The following ZNF322 variants were observed in gnomAD, a reference collection of about 807,000 sequenced individuals.
The protein encoded by ZNF322 is HLA complex group 12.
A neutral mutation model predicts 18.3 loss-of-function variants in ZNF322; 1 was observed. That is an observed-to-expected ratio of 0.05 (90% CI 0.02 to 0.26). The LOEUF (loss-of-function observed/expected upper bound fraction) is 0.26, where lower values mean the gene tolerates loss of function less well. Ranked by LOEUF, ZNF322 falls within the 10% of genes least tolerant of loss-of-function variation. ZNF322 has a pLI of 1.00. For missense variants in ZNF322, 36 were observed against 403.6 expected (o/e 0.09, Z 7.80); for synonymous variants, 17 against 130.7 (o/e 0.13, Z 5.93).
intron 2 of ZNF322, among the ~76,000 whole-genome samples, chr6:26,649,086 T>C (rs1554148925): frequency 6.6e-6 from 1 of 152,258 alleles, no homozygotes; most frequent in Non-Finnish European, 1.5e-5. Context: ...CAATACTTTC[T>C]GGCCCTTTAA....
At chr6:26,652,702 A>C (rs953378839) in intron 2 of ZNF322, among the ~76,000 whole-genome samples, 1 of 152,162 alleles carries the variant, frequency 6.6e-6, no homozygotes. Context: ...AAAAAAAAAA[A>C]AAAATTGTAG....
intron 3 of ZNF322, among the ~76,000 whole-genome samples, chr6:26,642,995 A>G (rs1765491953): frequency 6.6e-6 from 1 of 152,232 alleles, no homozygotes; most frequent in Non-Finnish European, 1.5e-5. Flanking sequence ...ATTCCAGTCC[A>G]AACCACTCTT....
chr6:26,646,168 T>C (rs1333696206), intron 2 of ZNF322, among the ~76,000 whole-genome samples: 2 of 150,920 alleles, frequency 1.3e-5, no homozygotes, highest in Non-Finnish European at 3.0e-5. Flanking sequence ...GAAAAAAAAG[T>C]AACAAAATAC....
intron 2 of ZNF322, among the ~76,000 whole-genome samples, chr6:26,655,018 T>C (rs1024450227): frequency 6.6e-6 from 1 of 152,066 alleles, no homozygotes; most frequent in Non-Finnish European, 1.5e-5. Context: ...TTGCCAAAAA[T>C]GTCTAAACTG....
chr6:26,643,944 C>T (rs968648420), intron 2 of ZNF322, among the ~76,000 whole-genome samples: 38 of 152,250 alleles, frequency 2.5e-4, no homozygotes, highest in African/African-American at 7.9e-4. Flanking sequence ...CCCATCTGCA[C>T]AATCTATAGC....
At chr6:26,655,955 T>C (rs1396074911) in intron 2 of ZNF322, among the ~76,000 whole-genome samples, 1 of 152,196 alleles carries the variant, frequency 6.6e-6, no homozygotes, top group Non-Finnish European at 1.5e-5. Context: ...TGGTATTCTG[T>C]TATAGCAGCC....
chr6:26,653,679 C>T (rs910708700), intron 2 of ZNF322, among the ~76,000 whole-genome samples: 23 of 152,002 alleles, frequency 1.5e-4, no homozygotes, highest in Admixed American at 7.2e-4. Flanking sequence ...ATGTAGTTCT[C>T]CACTTGCCCC....
chr6:26,644,659 T>C (rs1399812174), intron 2 of ZNF322, among the ~76,000 whole-genome samples: 4 of 152,130 alleles, frequency 2.6e-5, no homozygotes, highest in Admixed American at 6.5e-5. Context: ...TTCTTTTTTT[T>C]CCCCCTTTTG....
intron 2 of ZNF322, among the ~76,000 whole-genome samples, chr6:26,654,250 G>C (rs1765725374): frequency 1.3e-5 from 2 of 152,088 alleles, no homozygotes; most frequent in Admixed American, 6.5e-5. Flanking sequence ...TTTATATAGA[G>C]AATAAAGAAA....
chr6:26,638,778 A>C (rs1388337875), intron 3 of ZNF322, 50 bp from the exon 4 acceptor site: 2 of 677,532 alleles, frequency 3.0e-6, no homozygotes, highest in African/African-American at 3.7e-5. Context: ...CTAAGAAAAG[A>C]ATTCTCAAAA....
chr6:26,641,556 C>A (rs1234798347), intron 3 of ZNF322, among the ~76,000 whole-genome samples: 1 of 152,300 alleles, frequency 6.6e-6, no homozygotes, highest in East Asian at 1.9e-4. Context: ...ATAAGAAACT[C>A]CATTTTGATC....
intron 2 of ZNF322, among the ~76,000 whole-genome samples, chr6:26,645,365 G>C (rs935235811): frequency 6.6e-6 from 1 of 152,170 alleles, no homozygotes; most frequent in Non-Finnish European, 1.5e-5. Flanking sequence ...CTGAGAATGA[G>C]AGGTAAAGAG....
chr6:26,655,693 TG>T (rs1313709843), intron 2 of ZNF322, among the ~76,000 whole-genome samples: 2 of 152,196 alleles, frequency 1.3e-5, no homozygotes, highest in Non-Finnish European at 2.9e-5. Flanking sequence ...CAGATCCTAA[TG>T]GGAGGTATGT....
chr6:26,649,673 GTGTATATATATATA>G (rs1166332307), intron 2 of ZNF322, among the ~76,000 whole-genome samples: 1 of 29,376 alleles, frequency 3.4e-5, no homozygotes, highest in Non-Finnish European at 5.6e-5. Flanking sequence ...GTGTGTGTGT[GTGTATATATATATA>G]TATATATATA....
At chr6:26,645,857 C>T (rs1765549440) in intron 2 of ZNF322, among the ~76,000 whole-genome samples, 1 of 151,766 alleles carries the variant, frequency 6.6e-6, no homozygotes, top group African/African-American at 2.4e-5. Context: ...CATGGAGAAA[C>T]CCTGTCTCTA....
intron 2 of ZNF322, chr6:26,650,440 T>G (rs1347864974): frequency 8.5e-5 from 13 of 152,100 alleles, no homozygotes; most frequent in Admixed American, 7.2e-4. Context: ...AATAGAGAGA[T>G]AATGCTACAA....
At chr6:26,649,637 A>ATATGTGTG (rs1561924633) in intron 2 of ZNF322, among the ~76,000 whole-genome samples, 49 of 67,616 alleles carry the variant, frequency 7.2e-4, no homozygotes, top group Non-Finnish European at 1.0e-3. Flanking sequence ...ATACATACAT[A>ATATGTGTG]TGTGTGTGTG....
intron 2 of ZNF322, among the ~76,000 whole-genome samples, chr6:26,644,138 C>A (rs896959815): frequency 6.6e-6 from 1 of 152,182 alleles, no homozygotes; most frequent in Non-Finnish European, 1.5e-5. Flanking sequence ...ACCACTGCAA[C>A]CCACGTAATC....
intron 2 of ZNF322, among the ~76,000 whole-genome samples, chr6:26,649,696 TATATA>T (rs1469054768): frequency 0.013 from 797 of 59,762 alleles, 90 homozygotes; most frequent in African/African-American, 0.05. Flanking sequence ...TATATATATA[TATATA>T]TTTTTTTTTT....
Sources: allele counts gnomAD v4.1 joint callset (sites outside exome capture counted in the v4.1 genomes callset), GRCh38; gene constraint gnomAD v4.1.1; transcripts MANE v1.5; gene names NCBI Gene and HGNC (gene_info 2026-07-23, HGNC 2026-07-21).